Variants in B3GALT1 observed in about 807,000 individuals in gnomAD.
B3GALT1 encodes beta-1,3-galactosyltransferase 1.
In B3GALT1, 10 loss-of-function variants were observed where a neutral mutation model predicts 23.2. The ratio of observed to expected loss-of-function variants is 0.43; its 90% CI spans 0.27 to 0.73. The LOEUF (loss-of-function observed/expected upper bound fraction) is 0.73. Among genes scored for constraint, B3GALT1 ranks in the 30% least tolerant of loss-of-function variants. The pLI is 0.21. For missense variants in B3GALT1, 299 were observed against 405.4 expected, an observed-to-expected ratio of 0.74 and a Z score of 2.25; for synonymous variants, 156 against 141.5, an observed-to-expected ratio of 1.10 and a Z score of -0.73.
chr2:167,812,959 A>G (rs2105354349), intron 3 of B3GALT1, among the ~76,000 whole-genome samples: 1 of 143,584 alleles, frequency 7.0e-6, no homozygotes, highest in South Asian at 2.3e-4. Flanking sequence ...ACATACATGC[A>G]TACACACACA....
intron 1 of B3GALT1, among the ~76,000 whole-genome samples, chr2:167,464,802 A>G (rs1280268088): frequency 5.9e-5 from 9 of 152,196 alleles, no homozygotes; most frequent in Admixed American, 4.6e-4. Flanking sequence ...GTGATATTGT[A>G]TATACTCAAC....
At chr2:167,684,786 C>T (rs531837226) in intron 3 of B3GALT1, among the ~76,000 whole-genome samples, 5 of 152,328 alleles carry the variant, frequency 3.3e-5, no homozygotes, top group African/African-American at 7.2e-5. Context: ...AAAGGTAACT[C>T]GTACCTAATG....
rs115886528 is a variant in B3GALT1, at chr2:167,438,172, A to G, written c.-510-52005A>G. ...AATTAAAGAGATAATTTCTTTGTAAAAAGTTGTTGGAATGCTGTGGCATAT... is the reference window on the plus strand; with the variant it reads ...AATTAAAGAGATAATTTCTTTGTAAGAAGTTGTTGGAATGCTGTGGCATAT... On this transcript the variant is annotated intron_variant, in intron 1 of 4. Coordinates refer to ENST00000392690, the MANE Select transcript of B3GALT1 (RefSeq NM_020981.4). 6.4e-3 allele frequency among the ~76,000 whole-genome samples: 975 copies of G among 152,356 alleles called. 12 individuals carry two copies. The highest frequency in any genetic ancestry group is 0.023 in the African/African-American group (938 of 41,580).
chr2:167,825,437 G>GGTGTGTGT lies in B3GALT1; in HGVS notation c.-230+6656_-230+6663dup, dbSNP rs111721100. ...AAAGAACCAATAAGATATATGCAGGGGTGTGTGTGTGTGTGTGTGCGTGCA... is the reference window on the plus strand; with the variant it reads ...AAAGAACCAATAAGATATATGCAGGGGTGTGTGTGTGTGTGTGTGTGTGTGTGCGTGCA... On this transcript the variant is annotated intron_variant, in intron 4 of 4. Coordinates refer to ENST00000392690, the MANE Select transcript of B3GALT1 (RefSeq NM_020981.4). 2.6e-3 allele frequency among the ~76,000 whole-genome samples: 374 copies of GGTGTGTGT among 144,558 alleles called. 2 individuals carry two copies. Among genetic ancestry groups the GGTGTGTGT allele is most frequent in the Middle Eastern group, 0.014 (4 of 280 alleles). 94.8% of individuals were successfully genotyped at this position (144,558 alleles called of 152,430 possible).
At chr2:167,544,615 T>G (rs1280939643) in intron 2 of B3GALT1, among the ~76,000 whole-genome samples, 6 of 152,110 alleles carry the variant, frequency 3.9e-5, no homozygotes, top group Admixed American at 3.3e-4. Flanking sequence ...AATGGCCAGA[T>G]AACAGCGTTA....
chr2:167,371,706 A>G lies in B3GALT1; in HGVS notation c.-511+78372A>G, dbSNP rs1009557523. Among the ~76,000 whole-genome samples, 7 of 152,202 alleles carry G rather than the reference A, an allele frequency of 4.6e-5. No individual in the cohort carries two copies. In the East Asian group the frequency reaches 9.6e-4, roughly 21 times the overall value. On this transcript the variant is annotated intron_variant, in intron 1 of 4. Coordinates refer to ENST00000392690, the MANE Select transcript of B3GALT1 (RefSeq NM_020981.4). ...GAAACTGAAAAGGAAGATGGAAATT[A>G]TGAATTCCCAAATTACACATATTCA... is the stretch of plus-strand genomic sequence containing the variant.
At chr2:167,776,830 T>C (rs1164838791) in intron 3 of B3GALT1, among the ~76,000 whole-genome samples, 2 of 152,374 alleles carry the variant, frequency 1.3e-5, no homozygotes, top group African/African-American at 4.8e-5. Context: ...AAATAACTTC[T>C]GTAGTTGTAC....
intron 3 of B3GALT1, among the ~76,000 whole-genome samples, chr2:167,676,635 C>G (rs1256978597): frequency 6.6e-6 from 1 of 152,084 alleles, no homozygotes; most frequent in African/African-American, 2.4e-5. Context: ...AATCTCAGCT[C>G]ACTGCAACCT....
chr2:167,650,384 T>C (rs1350864145), intron 3 of B3GALT1, among the ~76,000 whole-genome samples: 1 of 150,930 alleles, frequency 6.6e-6, no homozygotes, highest in African/African-American at 2.4e-5. Flanking sequence ...CTTGGTCATG[T>C]TATATATACA....
At chr2:167,450,378 T>C (rs908121742) in intron 1 of B3GALT1, among the ~76,000 whole-genome samples, 1 of 152,172 alleles carries the variant, frequency 6.6e-6, no homozygotes, top group East Asian at 1.9e-4. Flanking sequence ...AGTTTATACA[T>C]GTAGAGATCT....
At chr2:167,520,621 T>C (rs1372348262) in intron 2 of B3GALT1, among the ~76,000 whole-genome samples, 1 of 152,230 alleles carries the variant, frequency 6.6e-6, no homozygotes, top group African/African-American at 2.4e-5. Context: ...ACTTTTGCTC[T>C]TGATTGGTTT....
At chr2:167,675,208 C>G (rs1208131787) in intron 3 of B3GALT1, among the ~76,000 whole-genome samples, 2 of 152,150 alleles carry the variant, frequency 1.3e-5, no homozygotes, top group Non-Finnish European at 2.9e-5. Context: ...AAAATCAAAT[C>G]AAGAAATGAA....
At chr2:167,521,984 G>GTATATATATA (rs550521896) in intron 2 of B3GALT1, among the ~76,000 whole-genome samples, 129 of 122,622 alleles carry the variant, frequency 1.1e-3, no homozygotes, top group Admixed American at 9.8e-3. Context: ...GTGTGTGTGT[G>GTATATATATA]TATATATATA....
chr2:167,597,560 G>C (rs904373711), intron 2 of B3GALT1, among the ~76,000 whole-genome samples: 1 of 152,212 alleles, frequency 6.6e-6, no homozygotes. Context: ...TTCTGTCTTA[G>C]AGAAATGAGG....
At chr2:167,604,759 A>G (rs1684933542) in intron 2 of B3GALT1, among the ~76,000 whole-genome samples, 2 of 152,178 alleles carry the variant, frequency 1.3e-5, no homozygotes, top group Admixed American at 6.5e-5. Context: ...CAGGCAGGAA[A>G]TGGGGACAGG....
chr2:167,556,881 C>A (rs962564162), intron 2 of B3GALT1, among the ~76,000 whole-genome samples: 1 of 152,074 alleles, frequency 6.6e-6, no homozygotes, highest in South Asian at 2.1e-4. Flanking sequence ...TTATTTCTCA[C>A]AATAAACCTA....
At chr2:167,469,170 G>C (rs781682648) in intron 1 of B3GALT1, among the ~76,000 whole-genome samples, 1 of 152,150 alleles carries the variant, frequency 6.6e-6, no homozygotes, top group Non-Finnish European at 1.5e-5. Context: ...AAGCAGCATG[G>C]TGTGGTGGTT....
chr2:167,600,703 CAT>C (rs1259305564), intron 2 of B3GALT1, among the ~76,000 whole-genome samples: 1 of 152,184 alleles, frequency 6.6e-6, no homozygotes, highest in Non-Finnish European at 1.5e-5. Context: ...CAGGTTGTGA[CAT>C]GTGTCAGGAC....
Position 167,512,633 on chromosome 2 carries a change from TATAC to T in B3GALT1, c.-410+22360_-410+22363del, listed in dbSNP as rs1248121761. Among the ~76,000 whole-genome samples, 900 of 91,710 alleles carry T rather than the reference TATAC, an allele frequency of 9.8e-3. 23 individuals carry two copies. The East Asian group carries it at 0.1, about 10-fold the overall frequency. The allele number at this position is 91,710 out of a possible 152,430, so 60.2% of individuals were successfully genotyped here. On this transcript the variant is annotated intron_variant, in intron 2 of 4. Transcript: ENST00000392690. ...GTATATATATATACGTGTATATATA[TATAC>T]ATATATATATATATTTTGAGATAGG... is the stretch of plus-strand genomic sequence containing the variant.
Sources: gnomAD v4.1 joint callset for allele counts (sites outside exome capture counted in the v4.1 genomes callset) on GRCh38, gnomAD v4.1.1 for gene constraint, MANE v1.5 for transcripts, NCBI Gene and HGNC (gene_info 2026-07-23, HGNC 2026-07-21) for gene names.